SP100: variants seen among roughly 807,000 people sequenced by gnomAD.
The protein encoded by SP100 is SP100 nuclear body protein, also known as nuclear autoantigen Sp-100.
SP100 carries 84 observed loss-of-function variants against 130.0 expected under a neutral mutation model. The ratio of observed to expected loss-of-function variants is 0.65; its 90% CI spans 0.54 to 0.77. SP100 has a LOEUF of 0.77. SP100 is among the 30% of genes least tolerant of loss of function. SP100 has a pLI of 0.00. For missense variants in SP100, 978 were observed against 1,052.2 expected (o/e 0.93, Z 0.97); for synonymous variants, 331 against 351.7 (o/e 0.94, Z 0.66).
intron 2 of SP100, among the ~76,000 whole-genome samples, chr2:230,439,726 T>A (rs900737735): frequency 5.3e-5 from 8 of 152,158 alleles, no homozygotes; most frequent in African/African-American, 1.7e-4. Flanking sequence ...AATTCATTTA[T>A]CAGATCTATA....
At chr2:230,468,674 G>A (rs2065085856) in intron 13 of SP100, among the ~76,000 whole-genome samples, 1 of 151,866 alleles carries the variant, frequency 6.6e-6, no homozygotes, top group African/African-American at 2.4e-5. Context: ...AATTAGCTGG[G>A]CATGGTGGTG....
At chr2:230,427,204 C>T (rs1016972431) in intron 2 of SP100, among the ~76,000 whole-genome samples, 1 of 152,074 alleles carries the variant, frequency 6.6e-6, no homozygotes, top group African/African-American at 2.4e-5. Context: ...CTCTGTCACC[C>T]AGGTTGGAGT....
At position 230,542,929 on chromosome 2, in the gene SP100, A is replaced by C. The variant is rs1319700578; in HGVS notation, c.2641A>C (p.Ile881Leu). 1 of 1,591,282 alleles carries C rather than the reference A, an allele frequency of 6.3e-7. No individual in the cohort carries two copies. Among genetic ancestry groups the C allele is most frequent in the Non-Finnish European group, 8.6e-7 (1 of 1,159,346 alleles). ...TGCAATTCAGGAAACAAGCAAGAAC[A>C]TTATAATGTTTATTTAGCCATTCTT... ...IFAIQETSKN[I>L]IMFI Residue 881 changes from isoleucine to leucine, a missense_variant, in exon 29 of 29, where the codon ATT (isoleucine) becomes CTT (leucine). Coordinates refer to ENST00000340126, the MANE Select transcript of SP100 (RefSeq NM_001080391.2).
intron 24 of SP100, chr2:230,516,503 A>G (rs1690922393): frequency 6.6e-6 from 1 of 152,232 alleles, no homozygotes; most frequent in African/African-American, 2.4e-5. Context: ...AAAAAGTCAT[A>G]AAAGTCACTT....
chr2:230,476,120 A>G (rs1374041992), intron 17 of SP100, among the ~76,000 whole-genome samples: 1 of 152,192 alleles, frequency 6.6e-6, no homozygotes, highest in African/African-American at 2.4e-5. Flanking sequence ...CTATAAATTG[A>G]TTTAAACAGT....
chr2:230,479,655 TGAAATG>T (rs2065741090), intron 17 of SP100, among the ~76,000 whole-genome samples: 1 of 152,140 alleles, frequency 6.6e-6, no homozygotes, highest in Non-Finnish European at 1.5e-5. Flanking sequence ...GGAAATCCAG[TGAAATG>T]GAAGAAACAG....
intron 3 of SP100, 21 bp from the exon 4 acceptor site, chr2:230,444,157 C>A (rs775378441): frequency 6.6e-7 from 1 of 1,511,242 alleles, no homozygotes; most frequent in Non-Finnish European, 9.0e-7. Flanking sequence ...TTTATATTTT[C>A]TCCATTCAAT....
intron 12 of SP100, among the ~76,000 whole-genome samples, 173 bp downstream of exon 12, chr2:230,466,527 G>A (rs1198526699): frequency 6.6e-6 from 1 of 152,146 alleles, no homozygotes; most frequent in South Asian, 2.1e-4. Flanking sequence ...GTATTAGGGA[G>A]GTTGGCTAAC....
intron 24 of SP100, among the ~76,000 whole-genome samples, chr2:230,529,284 A>G (rs910571577): frequency 2.0e-5 from 3 of 152,230 alleles, no homozygotes; most frequent in African/African-American, 7.2e-5. Context: ...TACGCAAATC[A>G]ATAAACGTAA....
At chr2:230,524,372 GAAAAA>G (rs950786696) in intron 24 of SP100, among the ~76,000 whole-genome samples, 3 of 132,526 alleles carry the variant, frequency 2.3e-5, no homozygotes, top group African/African-American at 8.4e-5. Flanking sequence ...AAAAAAAAAA[GAAAAA>G]GAAAAGAAAA....
At chr2:230,490,003 G>C (rs1409253930) in intron 17 of SP100, among the ~76,000 whole-genome samples, 1 of 152,166 alleles carries the variant, frequency 6.6e-6, no homozygotes, top group Non-Finnish European at 1.5e-5. Context: ...ATTTGGGGTG[G>C]AGAGTTCTGT....
intron 8 of SP100, among the ~76,000 whole-genome samples, chr2:230,450,994 G>A (rs1396455096): frequency 6.6e-6 from 1 of 152,140 alleles, no homozygotes; most frequent in East Asian, 1.9e-4. Flanking sequence ...ATTTATGATG[G>A]TTAGACATAT....
chr2:230,433,899 A>G (rs2063171363), intron 2 of SP100, among the ~76,000 whole-genome samples: 1 of 148,622 alleles, frequency 6.7e-6, no homozygotes, highest in African/African-American at 2.5e-5. Context: ...ATAACTTATT[A>G]GGTCTCAATA....
intron 2 of SP100, among the ~76,000 whole-genome samples, chr2:230,423,647 G>T (rs1327174927): frequency 6.6e-6 from 1 of 152,038 alleles, no homozygotes; most frequent in Non-Finnish European, 1.5e-5. Context: ...TGCATTTTAG[G>T]CCATGAATGT....
In SP100 at chr2:230,467,362, A is replaced by G. The variant is rs578094745; in HGVS notation, c.1291+147A>G. On this transcript the variant is annotated intron_variant, in intron 13 of 28. Coordinates refer to ENST00000340126, the MANE Select transcript of SP100 (RefSeq NM_001080391.2). ...CCATTTTGAAAAATGCAAAGAAAGA[A>G]GTCACTCTAAATTCAGGCTTAACAA... The G allele has an allele frequency of 8.8e-5, 56 of 637,054 alleles. 1 individual carries two copies. The South Asian group carries it at 1.0e-3, about 12-fold the overall frequency. The allele number at this position is 637,054 out of a possible 1,614,324, so 39.5% of individuals were successfully genotyped here. A position where few individuals can be genotyped will look rare whatever the true frequency, so the allele number is the denominator to read the frequency against.
At chr2:230,490,485 T>C (rs903574558) in intron 17 of SP100, among the ~76,000 whole-genome samples, 15 of 152,206 alleles carry the variant, frequency 9.9e-5, no homozygotes, top group African/African-American at 3.6e-4. Context: ...ATTTAGCCCA[T>C]TTACATTTAA....
At chr2:230,455,305 A>G (rs1266000487) in intron 8 of SP100, among the ~76,000 whole-genome samples, 1 of 152,098 alleles carries the variant, frequency 6.6e-6, no homozygotes, top group Non-Finnish European at 1.5e-5. Context: ...CTCAAGCAAT[A>G]CTTTCACCTC....
intron 24 of SP100, among the ~76,000 whole-genome samples, chr2:230,530,282 T>G (rs1001085229): frequency 1.1e-4 from 17 of 152,140 alleles, no homozygotes; most frequent in Non-Finnish European, 2.4e-4. Flanking sequence ...ATCACACATC[T>G]ACAACCATCT....
intron 24 of SP100, chr2:230,515,784 AAC>A: frequency 6.8e-7 from 1 of 1,480,052 alleles, no homozygotes; most frequent in Non-Finnish European, 8.9e-7. Context: ...TTGTATAGTT[AAC>A]CACTACCGAA....
Sources: allele counts gnomAD v4.1 joint callset (sites outside exome capture counted in the v4.1 genomes callset), GRCh38; gene constraint gnomAD v4.1.1; transcripts MANE v1.5; gene names NCBI Gene and HGNC (gene_info 2026-07-23, HGNC 2026-07-21).